GNA11: variants seen among roughly 807,000 people sequenced by gnomAD.
GNA11 encodes guanine nucleotide-binding protein subunit alpha-11.
Under a neutral mutation model 38.2 loss-of-function variants are expected in GNA11, and 8 were observed. That is an observed-to-expected ratio of 0.21 (90% CI 0.12 to 0.38). GNA11 has a LOEUF of 0.38. Among genes scored for constraint, GNA11 ranks in the 10% least tolerant of loss-of-function variants. The probability of loss-of-function intolerance (pLI) is 1.00; values close to 1 mark genes in which losing one functional copy is unlikely to be tolerated. For missense variants in GNA11, 268 were observed against 516.3 expected (o/e 0.52, Z 4.66); for synonymous variants, 211 against 221.4 (o/e 0.95, Z 0.42).
rs1357870628 is a variant in GNA11 at position 3,094,500 on chromosome 19, G to T, written c.-152G>T. The T allele has an allele frequency of 6.5e-6, 1 of 152,938 alleles. No homozygotes were observed. The highest frequency in any genetic ancestry group is 1.4e-5 in the Non-Finnish European group (1 of 72,208). The allele number at this position is 152,938 out of a possible 1,614,324, so 9.5% of individuals were successfully genotyped here. A position where few individuals can be genotyped will look rare whatever the true frequency, so the allele number is the denominator to read the frequency against. Reference sequence around the variant, plus strand: ...GGACCCGGCGGCTCGCCAGGCGGCGGCCGAGGCGGGGCGGGCCGGCCCGGG... The same window carrying T: ...GGACCCGGCGGCTCGCCAGGCGGCGTCCGAGGCGGGGCGGGCCGGCCCGGG... On this transcript the variant is annotated 5_prime_UTR_variant, in exon 1 of 7. Transcript: ENST00000078429. This position sits in a 1 kb window ranked among gnomAD's most constrained non-coding sequence, Gnocchi z 6.0.
Position 3,119,283 on chromosome 19 carries a change from C to T in GNA11, c.813C>T (p.Leu271=), listed in dbSNP as rs751628153. The change falls in exon 6 of 7, where the codon CTC becomes CTT. Residue 271 remains leucine, a synonymous_variant. Coordinates refer to ENST00000078429, the MANE Select transcript of GNA11 (RefSeq NM_002067.5). This position sits in a 1 kb window ranked among gnomAD's most constrained non-coding sequence, Gnocchi z 4.6. ...GGTTCCAGAACTCCTCCGTCATCCT[C>T]TTCCTCAACAAGAAGGACCTGCTGG... ...YPWFQNSSVI[L]FLNKKDLLED... is the part of the protein sequence containing the mutation. 5.0e-6 allele frequency: 8 copies of T among 1,613,772 alleles called. No homozygotes were observed. In the Admixed American group the frequency reaches 1.2e-4, roughly 24 times the overall value.
In GNA11 at chr19:3,094,570, G is replaced by C; in HGVS notation, c.-82G>C. On this transcript the variant is annotated 5_prime_UTR_variant, in exon 1 of 7. Coordinates refer to ENST00000078429, the MANE Select transcript of GNA11 (RefSeq NM_002067.5). This position sits in a 1 kb window ranked among gnomAD's most constrained non-coding sequence, Gnocchi z 6.0. ...GGCCGGAGGGCCGCGGCGGGCGGCG[G>C]CCGAGGCGGCTCCGGCCAGGGCCGG... 2 of 648,746 alleles carry C rather than the reference G, an allele frequency of 3.1e-6. No homozygotes were observed. Among genetic ancestry groups the C allele is most frequent in the South Asian group, 6.6e-5 (1 of 15,250 alleles). The allele number at this position is 648,746 out of a possible 1,614,324, so 40.2% of individuals were successfully genotyped here.
rs781331142 is a variant in GNA11, at chr19:3,120,401, C to T, written c.890-588C>T. The stretch of plus-strand genomic sequence containing the variant: ...CCTGTCCCACCAGTCCCCAGAGCAG[C>T]CCCTTGAACACCCCCAGGGGCCTTT... On this transcript the variant is annotated intron_variant, in intron 6 of 6. Coordinates refer to ENST00000078429, the MANE Select transcript of GNA11 (RefSeq NM_002067.5). The surrounding 1 kb of genome is among the most constrained non-coding windows in gnomAD (Gnocchi z 5.9). Among the ~76,000 whole-genome samples the T allele has an allele frequency of 9.2e-5, 14 of 152,158 alleles. No individual in the cohort carries two copies. The highest frequency in any genetic ancestry group is 1.6e-4 in the Non-Finnish European group (11 of 68,006).
intron 1 of GNA11, among the ~76,000 whole-genome samples, chr19:3,103,058 CTT>C (rs1470106971): frequency 6.6e-6 from 1 of 152,180 alleles, no homozygotes; most frequent in Non-Finnish European, 1.5e-5. Flanking sequence ...ATCTCACAGT[CTT>C]GGGCACTGTG....
In GNA11 at chr19:3,103,519, C is replaced by CTTT. The variant is rs760497682; in HGVS notation, c.137-6601_137-6599dup. 9.8e-4 allele frequency among the ~76,000 whole-genome samples: 45 copies of CTTT among 45,816 alleles called. 6 individuals carry two copies. The highest frequency in any genetic ancestry group is 2.2e-3 in the African/African-American group (28 of 12,506). The allele number at this position is 45,816 out of a possible 152,430, so 30.1% of individuals were successfully genotyped here. A position where few individuals can be genotyped will look rare whatever the true frequency, so the allele number is the denominator to read the frequency against. ...TGAGCCACTGCGCCCGGCCTTGAAT[C>CTTT]TTTTTTTTTTTTTTTTTTTTTTTTT... On this transcript the variant is annotated intron_variant, in intron 1 of 6. Transcript: ENST00000078429.
chr19:3,095,868 C>T (rs140977609), intron 1 of GNA11, among the ~76,000 whole-genome samples: 164 of 152,298 alleles, frequency 1.1e-3, no homozygotes, highest in African/African-American at 3.7e-3. Context: ...GGTGAACCTC[C>T]TTCTCCCCAA....
Position 3,110,647 on chromosome 19 carries a change from C to T in GNA11, c.321+314C>T, listed in dbSNP as rs964780621. 6.6e-6 allele frequency among the ~76,000 whole-genome samples: 1 copy of T among 152,220 alleles called. No individual in the cohort carries two copies. The highest frequency in any genetic ancestry group is 1.5e-5 in the Non-Finnish European group (1 of 68,040). Reference sequence around the variant, plus strand: ...AGCTGAGGCCCTGTGAGGTGAGCCACTCGCCCAGGTCGCCTTGGGAGTAAG... The same window carrying T: ...AGCTGAGGCCCTGTGAGGTGAGCCATTCGCCCAGGTCGCCTTGGGAGTAAG... On this transcript the variant is annotated intron_variant, in intron 2 of 6. Coordinates refer to ENST00000078429, the MANE Select transcript of GNA11 (RefSeq NM_002067.5). The surrounding 1 kb of genome is among the most constrained non-coding windows in gnomAD (Gnocchi z 5.4).
In GNA11 at chr19:3,123,174, A is replaced by G. The variant is rs1040865111; in HGVS notation, c.*1995A>G. On this transcript the variant is annotated 3_prime_UTR_variant, in exon 7 of 7. Transcript: ENST00000078429. Reference sequence around the variant, plus strand: ...GCTTGTGGCATCTCTGAGGGCCTAGATTGCACAAGGTGACCTGGCCGTGGC... The same window carrying G: ...GCTTGTGGCATCTCTGAGGGCCTAGGTTGCACAAGGTGACCTGGCCGTGGC... 8.6e-6 allele frequency: 2 copies of G among 233,306 alleles called. No homozygotes were observed. The highest frequency in any genetic ancestry group is 2.2e-5 in the African/African-American group (1 of 45,464). The allele number at this position is 233,306 out of a possible 1,614,324, so 14.5% of individuals were successfully genotyped here.
intron 2 of GNA11, among the ~76,000 whole-genome samples, chr19:3,112,471 C>T (rs1412838086): frequency 6.6e-6 from 1 of 152,208 alleles, no homozygotes; most frequent in Non-Finnish European, 1.5e-5. Flanking sequence ...CTCAGCCAAA[C>T]TGTGGCTGGT....
chr19:3,119,371 T>G lies in GNA11; in HGVS notation c.889+12T>G, dbSNP rs767701252. On this transcript the variant is annotated intron_variant, in intron 6 of 6. Coordinates refer to ENST00000078429, the MANE Select transcript of GNA11 (RefSeq NM_002067.5). The surrounding 1 kb of genome is among the most constrained non-coding windows in gnomAD (Gnocchi z 4.6). ...CCCCGAGTTCGATGGTGCGCCGGGC[T>G]GCGGCATGGGGAGGGGCTCGCGGGC... 1 of 1,607,332 alleles carries G rather than the reference T, an allele frequency of 6.2e-7. No individual in the cohort carries two copies. The highest frequency in any genetic ancestry group is 1.4e-5 in the African/African-American group (1 of 72,922).
intron 2 of GNA11, 98 bp from the exon 3 acceptor site, chr19:3,113,232 C>G (rs946962503): frequency 9.1e-6 from 11 of 1,204,580 alleles, no homozygotes; most frequent in Non-Finnish European, 9.7e-6. Context: ...GGAATGCCGC[C>G]CGGGCCAGCC....
chr19:3,094,469 G>A lies in GNA11; in HGVS notation c.-183G>A, dbSNP rs921546042. On this transcript the variant is annotated 5_prime_UTR_variant, in exon 1 of 7. Transcript: ENST00000078429. This position sits in a 1 kb window ranked among gnomAD's most constrained non-coding sequence, Gnocchi z 6.0. ...CGGGAGTCCGCGGCTGGCGCGGCCC[G>A]AGCGGGGACCCGGCGGCTCGCCAGG... The A allele has an allele frequency of 6.8e-5, 10 of 147,006 alleles. No homozygotes were observed. The highest frequency in any genetic ancestry group is 2.5e-4 in the African/African-American group (10 of 40,724). 9.1% of individuals were successfully genotyped at this position (147,006 alleles called of 1,614,324 possible).
In GNA11 at chr19:3,120,227, C is replaced by T. The variant is rs1389576724; in HGVS notation, c.890-762C>T. Among the ~76,000 whole-genome samples, 1 of 152,166 alleles carries T rather than the reference C, an allele frequency of 6.6e-6. No individual in the cohort carries two copies. The highest frequency in any genetic ancestry group is 1.9e-4 in the East Asian group (1 of 5,154). ...CACACGGTATAGCCTCGGCCGCTGG[C>T]TGCAGGCGCAGGGCCCTGCTGTCCC... On this transcript the variant is annotated intron_variant, in intron 6 of 6. Transcript: ENST00000078429. This position sits in a 1 kb window ranked among gnomAD's most constrained non-coding sequence, Gnocchi z 5.9.
chr19:3,118,839 A>T (rs878908474), intron 4 of GNA11, 85 bp from the exon 5 acceptor site: 29 of 1,229,526 alleles, frequency 2.4e-5, no homozygotes, highest in Non-Finnish European at 3.4e-5. Flanking sequence ...GTGTGGCAGG[A>T]GGGGCTTGGG....
intron 1 of GNA11, among the ~76,000 whole-genome samples, chr19:3,095,020 C>G (rs1453473206): frequency 6.6e-6 from 1 of 151,940 alleles, no homozygotes; most frequent in African/African-American, 2.4e-5. Context: ...GCGGGGCCCT[C>G]CGGGATCAGC....
intron 1 of GNA11, among the ~76,000 whole-genome samples, chr19:3,101,359 C>T (rs568278812): frequency 5.3e-4 from 81 of 152,270 alleles, no homozygotes; most frequent in Non-Finnish European, 9.0e-4. Flanking sequence ...AGTGCAGCCC[C>T]CACGGCTGTG....
intron 2 of GNA11, among the ~76,000 whole-genome samples, chr19:3,111,947 C>T (rs1375486002): frequency 3.3e-5 from 5 of 152,340 alleles, no homozygotes; most frequent in Admixed American, 6.5e-5. Context: ...AGCTGTGGCC[C>T]TCTCTGAGAG....
chr19:3,121,385 C>T lies in GNA11; in HGVS notation c.*206C>T, dbSNP rs1242925568. On this transcript the variant is annotated 3_prime_UTR_variant, in exon 7 of 7. Transcript: ENST00000078429. ...CATCTCTCCCTCCGTACACTTCGCG[C>T]ACCTTCTCACCTTTTGTCAACGGCA... The T allele has an allele frequency of 5.0e-6, 2 of 396,690 alleles. No individual in the cohort carries two copies. Among genetic ancestry groups the T allele is most frequent in the Non-Finnish European group, 8.9e-6 (2 of 224,118 alleles). 24.6% of individuals were successfully genotyped at this position (396,690 alleles called of 1,614,324 possible).
At chr19:3,109,110 A>G (rs1913703676) in intron 1 of GNA11, among the ~76,000 whole-genome samples, 1 of 152,086 alleles carries the variant, frequency 6.6e-6, no homozygotes, top group South Asian at 2.1e-4. Context: ...AGGGGAGGGG[A>G]ATTAGGTTCC....
Sources: gnomAD v4.1 joint callset for allele counts (sites outside exome capture counted in the v4.1 genomes callset) on GRCh38, gnomAD v4.1.1 for gene constraint, Gnocchi (gnomAD v3.1) non-coding constraint, MANE v1.5 for transcripts, NCBI Gene and HGNC (gene_info 2026-07-23, HGNC 2026-07-21) for gene names.